Variants in CTNNA2 observed in about 807,000 individuals in gnomAD.
The protein encoded by CTNNA2 is catenin alpha-2.
In CTNNA2, 42 loss-of-function variants were observed where a neutral mutation model predicts 101.0. The ratio of observed to expected loss-of-function variants is 0.42; its 90% CI spans 0.32 to 0.54. The LOEUF (loss-of-function observed/expected upper bound fraction) is 0.54, where lower values mean the gene tolerates loss of function less well. CTNNA2 is among the 20% of genes least tolerant of loss of function. The pLI is 0.14. For missense variants in CTNNA2, 871 were observed against 1,223.1 expected (o/e 0.71, Z 4.29); for synonymous variants, 450 against 456.4 (o/e 0.99, Z 0.18).
At chr2:79,246,491 A>G (rs1360213964) in intron 2 of CTNNA2, among the ~76,000 whole-genome samples, 1 of 152,210 alleles carries the variant, frequency 6.6e-6, no homozygotes, top group Non-Finnish European at 1.5e-5. Flanking sequence ...GTCCACAGGA[A>G]TTAGCTGTCA....
intron 7 of CTNNA2, chr2:80,028,392 T>A (rs946163067): frequency 3.9e-5 from 6 of 152,234 alleles, no homozygotes; most frequent in Non-Finnish European, 7.3e-5. Flanking sequence ...TTTGAGATCA[T>A]CACTGGGAAA....
chr2:79,802,779 G>A (rs899943168), intron 3 of CTNNA2, among the ~76,000 whole-genome samples: 5 of 152,180 alleles, frequency 3.3e-5, no homozygotes, highest in Non-Finnish European at 5.9e-5. Context: ...GCTTTTTTGT[G>A]TGTGACTGTT....
At chr2:80,531,916 C>A (rs1053428480) in intron 9 of CTNNA2, among the ~76,000 whole-genome samples, 2 of 152,264 alleles carry the variant, frequency 1.3e-5, no homozygotes, top group South Asian at 4.1e-4. Flanking sequence ...TGGCAATCTT[C>A]TTCTGTAAAG....
chr2:80,258,474 G>A (rs940681006), intron 7 of CTNNA2, among the ~76,000 whole-genome samples: 10 of 152,102 alleles, frequency 6.6e-5, no homozygotes, highest in South Asian at 2.1e-4. Flanking sequence ...TATTTATGTC[G>A]CACACTGTGA....
chr2:80,403,462 T>G lies in CTNNA2; in HGVS notation c.1137+10171T>G, dbSNP rs1020616679. Among the ~76,000 whole-genome samples, 5 of 152,362 alleles carry G rather than the reference T, an allele frequency of 3.3e-5. No homozygotes were observed. In the South Asian group the frequency reaches 6.2e-4, roughly 19 times the overall value. ...GTCTTTTAGGTTGTCTTGCTCAAAA[T>G]GCATTTCTTCTTGATGTTTATCACA... On this transcript the variant is annotated intron_variant, in intron 8 of 18. Transcript: ENST00000402739.
At chr2:79,949,529 A>G (rs1173766572) in intron 7 of CTNNA2, among the ~76,000 whole-genome samples, 4 of 152,134 alleles carry the variant, frequency 2.6e-5, no homozygotes, top group African/African-American at 9.7e-5. Context: ...GTACTTTGGG[A>G]GGCAAAGGCA....
intron 15 of CTNNA2, among the ~76,000 whole-genome samples, chr2:80,600,925 A>G (rs1010790298): frequency 2.0e-5 from 3 of 152,166 alleles, no homozygotes; most frequent in Non-Finnish European, 4.4e-5. Flanking sequence ...AGAAACCTTC[A>G]TAAACCTTTT....
At chr2:80,186,081 C>T (rs1361523516) in intron 7 of CTNNA2, among the ~76,000 whole-genome samples, 1 of 152,168 alleles carries the variant, frequency 6.6e-6, no homozygotes, top group East Asian at 1.9e-4. Flanking sequence ...CCAACTCTGC[C>T]ACTTCTGTCC....
chr2:80,053,789 A>G (rs1048946789), intron 7 of CTNNA2, among the ~76,000 whole-genome samples: 1 of 152,254 alleles, frequency 6.6e-6, no homozygotes, highest in African/African-American at 2.4e-5. Flanking sequence ...GAGGTAGCAT[A>G]GCACATTCTC....
intron 6 of CTNNA2, among the ~76,000 whole-genome samples, chr2:79,879,057 C>A (rs1002936279): frequency 2.0e-5 from 3 of 152,124 alleles, no homozygotes; most frequent in Admixed American, 6.6e-5. Context: ...AGTTTTCCAG[C>A]ACTATTTATT....
At chr2:79,391,118 C>T (rs1678167391) in intron 4 of CTNNA2, among the ~76,000 whole-genome samples, 3 of 152,144 alleles carry the variant, frequency 2.0e-5, no homozygotes, top group Admixed American at 2.0e-4. Flanking sequence ...GCAAAAGGTG[C>T]ACCCAGCATC....
rs1681241841 is a variant in CTNNA2 at position 79,651,442 on chromosome 2, G to T, written c.-5-110G>T. 7 of 991,180 alleles carry T rather than the reference G, an allele frequency of 7.1e-6. No individual in the cohort carries two copies. The South Asian group carries it at 7.4e-5, about 10-fold the overall frequency. 61.4% of individuals were successfully genotyped at this position (991,180 alleles called of 1,614,324 possible). On this transcript the variant is annotated intron_variant, in intron 1 of 18. Coordinates refer to ENST00000402739, the MANE Select transcript of CTNNA2 (RefSeq NM_001282597.3). ...AATTTGACCAGGTTGGACCAGAGAG[G>T]CTATCTTCCAGTATGTTCTAAGTTT...
intron 9 of CTNNA2, among the ~76,000 whole-genome samples, chr2:80,505,601 T>A (rs1331021472): frequency 1.3e-5 from 2 of 152,134 alleles, no homozygotes; most frequent in African/African-American, 4.8e-5. Flanking sequence ...AAGGGGAACA[T>A]GAATTAGGGG....
At chr2:79,447,381 AT>A (rs1393650272) in intron 4 of CTNNA2, among the ~76,000 whole-genome samples, 1 of 151,948 alleles carries the variant, frequency 6.6e-6, no homozygotes, top group Non-Finnish European at 1.5e-5. Flanking sequence ...TATTATCTTC[AT>A]ACTCCTTCCT....
intron 2 of CTNNA2, among the ~76,000 whole-genome samples, chr2:79,704,464 G>T (rs1054638492): frequency 6.6e-6 from 1 of 151,212 alleles, no homozygotes; most frequent in Non-Finnish European, 1.5e-5. Context: ...TAGAGAAACT[G>T]CAAAGCACCG....
intron 7 of CTNNA2, among the ~76,000 whole-genome samples, chr2:79,964,919 A>T (rs925566231): frequency 1.4e-4 from 21 of 152,182 alleles, no homozygotes; most frequent in African/African-American, 4.8e-4. Flanking sequence ...AACTCATCCT[A>T]TGTGTAGGTG....
At chr2:79,663,960 G>A (rs2104541857) in intron 2 of CTNNA2, among the ~76,000 whole-genome samples, 1 of 152,294 alleles carries the variant, frequency 6.6e-6, no homozygotes, top group South Asian at 2.1e-4. Flanking sequence ...GTAGTAAAAT[G>A]TAATTGTATG....
chr2:79,680,461 TC>T (rs111413305), intron 2 of CTNNA2, among the ~76,000 whole-genome samples: 28 of 152,006 alleles, frequency 1.8e-4, no homozygotes, highest in Admixed American at 1.8e-3. Context: ...CACAGAGGTG[TC>T]AAAAAAATGT....
chr2:80,430,358 T>C (rs1474681009), intron 9 of CTNNA2, among the ~76,000 whole-genome samples: 2 of 152,110 alleles, frequency 1.3e-5, no homozygotes, highest in Non-Finnish European at 2.9e-5. Flanking sequence ...TCTAAGGAAG[T>C]GCTTTAATAG....
Sources: gnomAD v4.1 joint callset for allele counts (sites outside exome capture counted in the v4.1 genomes callset) on GRCh38, gnomAD v4.1.1 for gene constraint, MANE v1.5 for transcripts, NCBI Gene and HGNC (gene_info 2026-07-23, HGNC 2026-07-21) for gene names.